Variants in UPF3A observed in about 807,000 individuals in gnomAD.
UPF3A encodes the protein UPF3A regulator of nonsense mediated mRNA decay, also known as regulator of nonsense transcripts 3A.
UPF3A carries 42 observed loss-of-function variants against 53.5 expected under a neutral mutation model. That is an observed-to-expected ratio of 0.78 (90% CI 0.61 to 1.01). The LOEUF (loss-of-function observed/expected upper bound fraction) is 1.01. UPF3A is among the 50% of genes least tolerant of loss of function. The pLI is 0.00. For missense variants in UPF3A, 575 were observed against 598.0 expected, an observed-to-expected ratio of 0.96 and a Z score of 0.40; for synonymous variants, 237 against 225.3, an observed-to-expected ratio of 1.05 and a Z score of -0.47.
chr13:114,284,863 G>T (rs2084515201), intron 3 of UPF3A, among the ~76,000 whole-genome samples: 1 of 152,224 alleles, frequency 6.6e-6, no homozygotes, highest in African/African-American at 2.4e-5. Context: ...ATGTTGCCCA[G>T]GCTGGTGTCA....
chr13:114,295,780 T>G (rs578254681), intron 7 of UPF3A, among the ~76,000 whole-genome samples: 1 of 152,332 alleles, frequency 6.6e-6, no homozygotes, highest in South Asian at 2.1e-4. Flanking sequence ...ACCTCTTGTC[T>G]CATTCACAGC....
chr13:114,282,566 T>G, intron 2 of UPF3A: 3 of 985,458 alleles, frequency 3.0e-6, no homozygotes, highest in Non-Finnish European at 1.2e-6. Flanking sequence ...CACGGGTTCC[T>G]CTGGGAGTGC....
chr13:114,292,299 A>G (rs919756963), intron 7 of UPF3A, among the ~76,000 whole-genome samples: 1 of 147,974 alleles, frequency 6.8e-6, no homozygotes, highest in African/African-American at 2.5e-5. Context: ...TTACGTGTTC[A>G]TTTTCGACTC....
At chr13:114,288,884 G>C (rs1271911942) in intron 5 of UPF3A, among the ~76,000 whole-genome samples, 1 of 152,160 alleles carries the variant, frequency 6.6e-6, no homozygotes, top group East Asian at 1.9e-4. Flanking sequence ...TTGAAGAAGA[G>C]CTAGAAGCAG....
At chr13:114,281,895 T>TGAGAGGAGG (rs1566716288) in intron 1 of UPF3A, 49 bp downstream of exon 1, 10 of 833,764 alleles carry the variant, frequency 1.2e-5, no homozygotes, top group South Asian at 1.8e-5. Context: ...AGGACGGCCC[T>TGAGAGGAGG]GAGTGGAGGG....
intron 9 of UPF3A, 144 bp from the exon 10 acceptor site, chr13:114,304,645 G>T (rs2086879221): frequency 5.4e-6 from 6 of 1,101,952 alleles, no homozygotes; most frequent in Non-Finnish European, 6.5e-6. Context: ...CTGAGATAGT[G>T]CTGTGAAAAA....
At chr13:114,303,557 G>A (rs753851183) in intron 9 of UPF3A, among the ~76,000 whole-genome samples, 11 of 152,122 alleles carry the variant, frequency 7.2e-5, no homozygotes, top group Non-Finnish European at 1.3e-4. Context: ...AGGCCAAGGC[G>A]GGTGGAACAC....
rs537763310 is a variant in UPF3A at position 114,282,855 on chromosome 13, C to T, written c.333C>T (p.Tyr111=). 3.7e-5 allele frequency: 60 copies of T among 1,609,746 alleles called. 1 individual carries two copies. The South Asian group carries it at 5.2e-4, about 14-fold the overall frequency. Residue 111 remains tyrosine, a synonymous_variant, in exon 3 of 10, where the codon TAC becomes TAT. Coordinates refer to ENST00000375299, the MANE Select transcript of UPF3A (RefSeq NM_023011.4). Reference sequence around the variant, plus strand: ...ATTTCAGTCTTTATCCTCATCTCTACTCAAGAGCATACATTAATTTTAGGA... The same window carrying T: ...ATTTCAGTCTTTATCCTCATCTCTATTCAAGAGCATACATTAATTTTAGGA... ...AADLSLYPHL[Y]SRAYINFRNP... is the part of the protein sequence containing the mutation.
Position 114,281,866 on chromosome 13 carries a change from G to A in UPF3A, c.207+20G>A. The A allele has an allele frequency of 2.1e-6, 3 of 1,443,914 alleles. No individual in the cohort carries two copies. Among genetic ancestry groups the A allele is most frequent in the Non-Finnish European group, 1.8e-6 (2 of 1,082,232 alleles). 89.4% of individuals were successfully genotyped at this position (1,443,914 alleles called of 1,614,324 possible). A position where few individuals can be genotyped will look rare whatever the true frequency, so the allele number is the denominator to read the frequency against. Reference sequence around the variant, plus strand: ...AGCAAGGTGGGGACGGGGGCGGGGCGCGCAAACCTCGCGAGGAGAGGACGG... The same window carrying A: ...AGCAAGGTGGGGACGGGGGCGGGGCACGCAAACCTCGCGAGGAGAGGACGG... On this transcript the variant is annotated intron_variant, in intron 1 of 9. Coordinates refer to ENST00000375299, the MANE Select transcript of UPF3A (RefSeq NM_023011.4).
chr13:114,285,466 T>G (rs1324075565), intron 3 of UPF3A: 1 of 152,216 alleles, frequency 6.6e-6, no homozygotes, highest in Non-Finnish European at 1.5e-5. Flanking sequence ...AGTCTTGACT[T>G]TATTCTGGAT....
Position 114,304,834 on chromosome 13 carries a change from G to A in UPF3A, c.1348G>A (p.Ala450Thr). ...GTATGATCCAGGAGCTCGCTTCCGA[G>A]CGCGAGAGTGTGGCGGAAACAGGAG... ...QLYDPGARFR[A>T]RECGGNRRIC... Residue 450 changes from alanine (A) to threonine (T), a missense_variant, in exon 10 of 10, where the codon GCG becomes ACG. Around this residue, in one of 2 missense-constraint regions of UPF3A, gnomAD observed 323 missense variants for 415.2 expected, o/e 0.78. Transcript: ENST00000375299. 6.2e-7 allele frequency: 1 copy of A among 1,613,880 alleles called. No individual in the cohort carries two copies. The highest frequency in any genetic ancestry group is 8.5e-7 in the Non-Finnish European group (1 of 1,179,830).
intron 5 of UPF3A, among the ~76,000 whole-genome samples, chr13:114,287,948 A>G (rs1461943646): frequency 1.3e-5 from 2 of 152,124 alleles, no homozygotes; most frequent in Admixed American, 1.3e-4. Flanking sequence ...CTGGGATTAC[A>G]GGCACCCGCC....
chr13:114,301,052 C>G (rs920515334), intron 8 of UPF3A, among the ~76,000 whole-genome samples: 4 of 151,108 alleles, frequency 2.6e-5, no homozygotes, highest in Non-Finnish European at 5.9e-5. Context: ...CTCAGGTGAT[C>G]CCACCCACCT....
intron 7 of UPF3A, among the ~76,000 whole-genome samples, chr13:114,295,353 C>T (rs1381743463): frequency 2.3e-5 from 3 of 129,782 alleles, no homozygotes; most frequent in African/African-American, 6.0e-5. Flanking sequence ...CTCCCCAGCT[C>T]GTCTCCAGCG....
In UPF3A at chr13:114,281,723, C is replaced by T. The variant is rs755639309; in HGVS notation, c.84C>T (p.Ala28=). The T allele has an allele frequency of 3.2e-6, 5 of 1,556,416 alleles. No individual in the cohort carries two copies. The highest frequency in any genetic ancestry group is 3.8e-5 in the Admixed American group (2 of 52,056). The change falls in exon 1 of 10, where the codon GCC becomes GCT. Residue 28 remains alanine (A), a synonymous_variant. Transcript: ENST00000375299. The part of the protein sequence containing the change: ...RGPSGREKLS[A]LEVQFHRDSQ... ...CGAGCGGGAGGGAGAAGCTGTCGGC[C>T]CTAGAAGTGCAGTTCCACCGCGACT...
chr13:114,289,840 A>G (rs982468615), intron 5 of UPF3A, among the ~76,000 whole-genome samples: 4 of 152,112 alleles, frequency 2.6e-5, no homozygotes, highest in Non-Finnish European at 5.9e-5. Context: ...TTTCTTATTC[A>G]GGGTCTAACG....
In UPF3A at chr13:114,294,808, G is replaced by A. The variant is rs575800166; in HGVS notation, c.846+3016G>A. On this transcript the variant is annotated intron_variant, in intron 7 of 9. Transcript: ENST00000375299. The stretch of plus-strand genomic sequence containing the variant: ...CCACTGCACTCCAGCCTGGGCGACA[G>A]AGCGAGACTCCGTCTCAAAAAGGCT... Among the ~76,000 whole-genome samples, 11 of 151,598 alleles carry A rather than the reference G, an allele frequency of 7.3e-5. No individual in the cohort carries two copies. The East Asian group carries it at 2.1e-3, about 30-fold the overall frequency.
chr13:114,288,386 C>T (rs982438746), intron 5 of UPF3A, among the ~76,000 whole-genome samples: 6 of 152,078 alleles, frequency 3.9e-5, no homozygotes, highest in East Asian at 1.9e-4. Flanking sequence ...AGACTGGCTG[C>T]GGGAGGGAAA....
intron 7 of UPF3A, among the ~76,000 whole-genome samples, chr13:114,292,323 G>A (rs574164581): frequency 1.0e-4 from 15 of 149,846 alleles, no homozygotes; most frequent in Non-Finnish European, 1.9e-4. Context: ...GCGTACACGT[G>A]CAGATGTGTC....
Sources: gnomAD v4.1 joint callset for allele counts (sites outside exome capture counted in the v4.1 genomes callset) on GRCh38, gnomAD v4.1.1 for gene constraint, gnomAD v4.1.1 regional missense constraint, MANE v1.5 for transcripts, NCBI Gene and HGNC (gene_info 2026-07-23, HGNC 2026-07-21) for gene names.